The following RANBP17 variants were observed in gnomAD, a reference collection of about 807,000 sequenced individuals.
The protein encoded by RANBP17 is ran-binding protein 17.
In RANBP17, 158 loss-of-function variants were observed where a neutral mutation model predicts 141.2. The observed-to-expected ratio is 1.12, with a 90% CI of 0.98 to 1.28. The LOEUF (loss-of-function observed/expected upper bound fraction) is 1.28. Among genes scored for constraint, RANBP17 ranks in the 50% most tolerant of loss-of-function variants. RANBP17 has a pLI of 0.00. For synonymous variants in RANBP17, 430 were observed against 450.0 expected, an observed-to-expected ratio of 0.96 and a Z score of 0.56; for missense variants, 1,438 against 1,290.7, an observed-to-expected ratio of 1.11 and a Z score of -1.75.
rs1020143679 is a variant in RANBP17 at position 170,914,257 on chromosome 5, C to T, written c.834+17C>T. The T allele has an allele frequency of 5.3e-6, 8 of 1,498,630 alleles. No individual in the cohort carries two copies. In the East Asian group the frequency reaches 6.8e-5, roughly 13 times the overall value. 92.8% of individuals were successfully genotyped at this position (1,498,630 alleles called of 1,614,324 possible). The stretch of plus-strand genomic sequence containing the variant: ...TCTCAGTTAGTAAGTAAAAGTCATT[C>T]GTTATTTCGTTAAAAAATACCTGTG... On this transcript the variant is annotated intron_variant, in intron 8 of 27. Coordinates refer to ENST00000523189, the MANE Select transcript of RANBP17 (RefSeq NM_022897.5).
intron 14 of RANBP17, among the ~76,000 whole-genome samples, chr5:171,116,121 T>G (rs1464557569): frequency 1.3e-5 from 2 of 152,234 alleles, no homozygotes; most frequent in African/African-American, 4.8e-5. Context: ...ATTTCTTGGC[T>G]TGGTATTACT....
chr5:171,112,029 A>G (rs1755268643), intron 14 of RANBP17, among the ~76,000 whole-genome samples: 1 of 152,190 alleles, frequency 6.6e-6, no homozygotes, highest in Non-Finnish European at 1.5e-5. Context: ...ATGTATGGCT[A>G]GTTATTCTTC....
chr5:171,075,996 A>G (rs892400673), intron 14 of RANBP17, among the ~76,000 whole-genome samples: 1 of 152,176 alleles, frequency 6.6e-6, no homozygotes, highest in Non-Finnish European at 1.5e-5. Context: ...GGGGACTTAT[A>G]TGGTATGTGG....
intron 14 of RANBP17, among the ~76,000 whole-genome samples, chr5:170,997,628 T>A (rs1198052026): frequency 6.6e-6 from 1 of 152,212 alleles, no homozygotes; most frequent in Non-Finnish European, 1.5e-5. Context: ...CCCATTCTTG[T>A]GTAATTCCAA....
chr5:170,979,394 C>A (rs929709342), intron 14 of RANBP17, among the ~76,000 whole-genome samples: 1 of 152,186 alleles, frequency 6.6e-6, no homozygotes. Flanking sequence ...CTCCTGTCCC[C>A]TTGCAACTGT....
At chr5:171,276,203 A>G (rs1464278572) in intron 25 of RANBP17, among the ~76,000 whole-genome samples, 1 of 152,228 alleles carries the variant, frequency 6.6e-6, no homozygotes. Context: ...TAACTTCTGT[A>G]TATTAGATAA....
intron 25 of RANBP17, among the ~76,000 whole-genome samples, chr5:171,282,716 G>T (rs1767930849): frequency 6.6e-6 from 1 of 151,978 alleles, no homozygotes. Context: ...CTGACCTCAG[G>T]TGACCCACCT....
intron 22 of RANBP17, among the ~76,000 whole-genome samples, chr5:171,229,520 G>T (rs769351680): frequency 6.6e-6 from 1 of 151,452 alleles, no homozygotes; most frequent in Non-Finnish European, 1.5e-5. Context: ...TCAGCCTCCC[G>T]AGTAACTGGG....
intron 16 of RANBP17, among the ~76,000 whole-genome samples, chr5:171,179,051 C>G (rs1433594498): frequency 1.3e-5 from 2 of 152,242 alleles, no homozygotes; most frequent in Admixed American, 6.5e-5. Flanking sequence ...TCAATTTTGG[C>G]TTTTGTTGCC....
chr5:171,232,437 T>C (rs1035873023), intron 22 of RANBP17, among the ~76,000 whole-genome samples: 11 of 152,174 alleles, frequency 7.2e-5, no homozygotes, highest in African/African-American at 2.4e-4. Flanking sequence ...TTCTATCATG[T>C]TTTTCTGTAC....
intron 14 of RANBP17, among the ~76,000 whole-genome samples, chr5:171,104,347 A>G (rs951912384): frequency 2.6e-5 from 4 of 152,066 alleles, no homozygotes; most frequent in Admixed American, 2.6e-4. Context: ...TGTCCTCTTT[A>G]ATTATCTTAC....
At chr5:171,067,014 A>G (rs1388961781) in intron 14 of RANBP17, among the ~76,000 whole-genome samples, 1 of 152,104 alleles carries the variant, frequency 6.6e-6, no homozygotes, top group Non-Finnish European at 1.5e-5. Context: ...AATATAGGTT[A>G]TTTTAAGTTA....
intron 16 of RANBP17, among the ~76,000 whole-genome samples, chr5:171,173,364 A>G (rs1376192927): frequency 6.6e-6 from 1 of 152,098 alleles, no homozygotes; most frequent in South Asian, 2.1e-4. Flanking sequence ...CATCACCTAT[A>G]GGCCCTTGTT....
intron 14 of RANBP17, chr5:171,158,302 G>A (rs960388956): frequency 1.7e-5 from 3 of 180,186 alleles, no homozygotes; most frequent in Non-Finnish European, 3.6e-5. Flanking sequence ...AAGCACATTT[G>A]GCATACTTAT....
chr5:171,148,187 G>T (rs189444411), intron 14 of RANBP17, among the ~76,000 whole-genome samples: 35 of 152,196 alleles, frequency 2.3e-4, no homozygotes, highest in African/African-American at 8.2e-4. Context: ...GATGCTTGAA[G>T]GCAGCATGCT....
intron 24 of RANBP17, chr5:171,251,788 T>A (rs1765582355): frequency 1.7e-6 from 2 of 1,152,502 alleles, no homozygotes; most frequent in South Asian, 2.5e-5. Context: ...CCTCTGTGAT[T>A]GGGTGGAAGA....
At chr5:171,280,903 CAG>C (rs1767822896) in intron 25 of RANBP17, among the ~76,000 whole-genome samples, 1 of 152,230 alleles carries the variant, frequency 6.6e-6, no homozygotes, top group Non-Finnish European at 1.5e-5. Flanking sequence ...TTACAGCAAT[CAG>C]GGCAGACAGG....
chr5:171,040,600 CTTGAA>C (rs923155262), intron 14 of RANBP17, among the ~76,000 whole-genome samples: 1 of 151,794 alleles, frequency 6.6e-6, no homozygotes, highest in Non-Finnish European at 1.5e-5. Context: ...AGAAGGGGTC[CTTGAA>C]TTGAAAAAAA....
intron 27 of RANBP17, among the ~76,000 whole-genome samples, chr5:171,296,738 C>T (rs1032550830): frequency 6.6e-6 from 1 of 152,094 alleles, no homozygotes; most frequent in Non-Finnish European, 1.5e-5. Context: ...CAGGGTGAAA[C>T]CCTGTCTCTA....
Sources: gnomAD v4.1 joint callset for allele counts (sites outside exome capture counted in the v4.1 genomes callset) on GRCh38, gnomAD v4.1.1 for gene constraint, MANE v1.5 for transcripts, NCBI Gene and HGNC (gene_info 2026-07-23, HGNC 2026-07-21) for gene names.